Variants in MYCBP2 observed in about 807,000 individuals in gnomAD.
The protein encoded by MYCBP2 is MYC binding protein 2, also known as E3 ubiquitin-protein ligase MYCBP2.
MYCBP2 carries 120 observed loss-of-function variants against 525.3 expected under a neutral mutation model. The ratio of observed to expected loss-of-function variants is 0.23; its 90% confidence interval spans 0.20 to 0.27. The LOEUF is 0.27. Ranked by LOEUF, MYCBP2 falls within the 10% of genes least tolerant of loss-of-function variation. MYCBP2 has a pLI of 1.00. For synonymous variants in MYCBP2, 1,894 were observed against 1,955.8 expected (o/e 0.97, Z 0.83); for missense variants, 4,149 against 5,657.1 (o/e 0.73, Z 8.55).
At position 77,142,448 on chromosome 13, in the gene MYCBP2, G is replaced by A. The variant is rs144622707; in HGVS notation, c.7304-1505C>T. On this transcript the variant is annotated intron_variant, in intron 49 of 82. Transcript: ENST00000544440. ...AACTGGATATATCTGAGTCTATATA[G>A]TTACATTAATGTATGAGAACATACA... 1.9e-4 allele frequency among the ~76,000 whole-genome samples: 29 copies of A among 152,322 alleles called. No individual in the cohort carries two copies. The East Asian group carries it at 5.6e-3, about 29-fold the overall frequency.
chr13:77,196,868 T>C (rs1299009149), intron 26 of MYCBP2, among the ~76,000 whole-genome samples: 1 of 152,196 alleles, frequency 6.6e-6, no homozygotes. Context: ...TCATCAGAGA[T>C]AAATGTCCAT....
rs1194037691 is a variant in MYCBP2, at chr13:77,045,368, T to A, written c.*10A>T. 1 of 1,601,348 alleles carries A rather than the reference T, an allele frequency of 6.2e-7. No homozygotes were observed. The highest frequency in any genetic ancestry group is 2.2e-5 in the East Asian group (1 of 44,820). Reference sequence around the variant, plus strand: ...AATTTTTCTCTCTGTAGACAAAGGATCTGCGTGTTCTAAAAAGTGTGGGCA... The same window carrying A: ...AATTTTTCTCTCTGTAGACAAAGGAACTGCGTGTTCTAAAAAGTGTGGGCA... On this transcript the variant is annotated 3_prime_UTR_variant, in exon 83 of 83. Coordinates refer to ENST00000544440, the MANE Select transcript of MYCBP2 (RefSeq NM_015057.5).
Position 77,168,458 on chromosome 13 carries a change from C to T in MYCBP2, c.6084G>A (p.Pro2028=), listed in dbSNP as rs371311366. The part of the protein sequence containing the change: ...SHYAVIESEH[P]YKPACVMHYK... Reference sequence around the variant, plus strand: ...AATGCATCACACAGGCAGGTTTATACGGGTGCTCACTCTCTATGACAGCAT... The same window carrying T: ...AATGCATCACACAGGCAGGTTTATATGGGTGCTCACTCTCTATGACAGCAT... The change falls in exon 40 of 83, where the codon CCG becomes CCA. Residue 2028 remains proline, a synonymous_variant. Coordinates refer to ENST00000544440, the MANE Select transcript of MYCBP2 (RefSeq NM_015057.5). 29 of 1,613,918 alleles carry T rather than the reference C, an allele frequency of 1.8e-5. No individual in the cohort carries two copies. Among genetic ancestry groups the T allele is most frequent in the South Asian group, 3.3e-5 (3 of 91,070 alleles).
chr13:77,297,962 G>C (rs2078372905), intron 1 of MYCBP2, among the ~76,000 whole-genome samples: 1 of 152,096 alleles, frequency 6.6e-6, no homozygotes, highest in African/African-American at 2.4e-5. Flanking sequence ...TCTTCACATA[G>C]GAACCTAACT....
chr13:77,090,305 T>C, intron 59 of MYCBP2, 42 bp from the exon 60 acceptor site: 1 of 1,519,048 alleles, frequency 6.6e-7, no homozygotes, highest in Non-Finnish European at 8.9e-7. Context: ...TCAGAAGAGC[T>C]GAATGAAATG....
At chr13:77,235,278 GAT>G (rs1325002034) in intron 17 of MYCBP2, among the ~76,000 whole-genome samples, 7 of 151,920 alleles carry the variant, frequency 4.6e-5, no homozygotes, top group African/African-American at 1.7e-4. Context: ...AGTAAGAAAA[GAT>G]ACTAAATAAA....
At position 77,066,237 on chromosome 13, in the gene MYCBP2, C is replaced by G. The variant is rs1393820664; in HGVS notation, c.12456-149G>C. The G allele has an allele frequency of 1.5e-5, 9 of 600,814 alleles. No homozygotes were observed. The Admixed American group carries it at 2.4e-4, about 16-fold the overall frequency. The allele number at this position is 600,814 out of a possible 1,614,324, so 37.2% of individuals were successfully genotyped here. A position where few individuals can be genotyped will look rare whatever the true frequency, so the allele number is the denominator to read the frequency against. Reference sequence around the variant, plus strand: ...CATTTAAAAAGAAAATTCATCAAACCATTACCCCAAATCCCAAGACAGCAG... The same window carrying G: ...CATTTAAAAAGAAAATTCATCAAACGATTACCCCAAATCCCAAGACAGCAG... On this transcript the variant is annotated intron_variant, in intron 71 of 82. Transcript: ENST00000544440.
chr13:77,307,756 A>G (rs2079649443), intron 1 of MYCBP2, among the ~76,000 whole-genome samples: 1 of 151,156 alleles, frequency 6.6e-6, no homozygotes, highest in African/African-American at 2.4e-5. Context: ...TCAACTGCCC[A>G]TCTTCAGTCT....
intron 21 of MYCBP2, among the ~76,000 whole-genome samples, chr13:77,215,740 C>T (rs1030799078): frequency 5.3e-5 from 8 of 152,286 alleles, no homozygotes; most frequent in East Asian, 3.9e-4. Context: ...GCATGTGCCA[C>T]GGCACCCAGC....
chr13:77,059,168 T>C (rs1355486163), intron 77 of MYCBP2, among the ~76,000 whole-genome samples: 1 of 152,084 alleles, frequency 6.6e-6, no homozygotes, highest in Admixed American at 6.6e-5. Context: ...TTATATATGT[T>C]CAGGATTAAA....
intron 55 of MYCBP2, among the ~76,000 whole-genome samples, chr13:77,107,404 G>C (rs1273474483): frequency 6.6e-6 from 1 of 152,102 alleles, no homozygotes; most frequent in Non-Finnish European, 1.5e-5. Flanking sequence ...GCATAATTAA[G>C]TGTGATTTTA....
chr13:77,168,512 G>A lies in MYCBP2; in HGVS notation c.6030C>T (p.Gly2010=), dbSNP rs1270239037. 6.2e-7 allele frequency: 1 copy of A among 1,613,970 alleles called. No individual in the cohort carries two copies. The highest frequency in any genetic ancestry group is 1.3e-5 in the African/African-American group (1 of 74,890). Reference sequence around the variant, plus strand: ...GACTGGAGGTTGTACAAGCAGAGAGGCCCTGTTCAGGCTGGTTTCCTGTGG... The same window carrying A: ...GACTGGAGGTTGTACAAGCAGAGAGACCCTGTTCAGGCTGGTTTCCTGTGG... ...DSTTGNQPEQ[G]LSACTTSSHY... Residue 2010 remains glycine (G), a synonymous_variant, in exon 40 of 83, where the codon GGC becomes GGT. Coordinates refer to ENST00000544440, the MANE Select transcript of MYCBP2 (RefSeq NM_015057.5).
chr13:77,174,858 T>C (rs2059461039), intron 36 of MYCBP2, among the ~76,000 whole-genome samples: 1 of 79,464 alleles, frequency 1.3e-5, no homozygotes, highest in Non-Finnish European at 2.9e-5. Context: ...CCAATGTAAC[T>C]AGTGCCTGCT....
chr13:77,108,397 C>G (rs1453275356), intron 55 of MYCBP2, among the ~76,000 whole-genome samples: 1 of 152,034 alleles, frequency 6.6e-6, no homozygotes, highest in South Asian at 2.1e-4. Flanking sequence ...ATATCTTAGG[C>G]CTTAGAAAGA....
intron 20 of MYCBP2, among the ~76,000 whole-genome samples, chr13:77,222,542 G>C (rs916057733): frequency 6.6e-6 from 1 of 152,014 alleles, no homozygotes; most frequent in Non-Finnish European, 1.5e-5. Flanking sequence ...TCAGCTCGAA[G>C]GGTAGAGAGT....
intron 48 of MYCBP2, among the ~76,000 whole-genome samples, chr13:77,144,890 G>A (rs1223836863): frequency 6.6e-6 from 1 of 152,166 alleles, no homozygotes; most frequent in Non-Finnish European, 1.5e-5. Flanking sequence ...TGGAGGAAGT[G>A]TCCTGGATCT....
chr13:77,251,718 T>A (rs578133962), intron 14 of MYCBP2, among the ~76,000 whole-genome samples: 1 of 152,264 alleles, frequency 6.6e-6, no homozygotes, highest in Admixed American at 6.5e-5. Flanking sequence ...CCACTCTAGA[T>A]CATCCTCCTA....
chr13:77,268,063 T>C (rs2074350307), intron 7 of MYCBP2, 126 bp from the exon 8 acceptor site: 1 of 591,412 alleles, frequency 1.7e-6, no homozygotes, highest in Admixed American at 3.1e-5. Flanking sequence ...GTCTAAAAGA[T>C]ATTAATGATT....
chr13:77,063,198 G>A (rs989723375), intron 73 of MYCBP2, among the ~76,000 whole-genome samples: 1 of 152,106 alleles, frequency 6.6e-6, no homozygotes, highest in Non-Finnish European at 1.5e-5. Context: ...GCCCCAGAAA[G>A]CCTAATACTA....
Sources: gnomAD v4.1 joint callset for allele counts (sites outside exome capture counted in the v4.1 genomes callset) on GRCh38, gnomAD v4.1.1 for gene constraint, MANE v1.5 for transcripts, NCBI Gene and HGNC (gene_info 2026-07-23, HGNC 2026-07-21) for gene names.